Variants in BMP5 observed in about 807,000 individuals in gnomAD.
BMP5 encodes bone morphogenetic protein 5.
A neutral mutation model predicts 46.6 loss-of-function variants in BMP5; 23 were observed. The observed-to-expected ratio is 0.49, with a 90% CI of 0.35 to 0.70. The LOEUF is 0.70. BMP5 is among the 30% of genes least tolerant of loss of function. The pLI, the probability that BMP5 is intolerant of heterozygous loss-of-function variation, is 0.00. For synonymous variants in BMP5, 204 were observed against 191.9 expected, an observed-to-expected ratio of 1.06 and a Z score of -0.52; for missense variants, 545 against 565.6, an observed-to-expected ratio of 0.96 and a Z score of 0.37.
intron 1 of BMP5, among the ~76,000 whole-genome samples, chr6:55,825,616 TC>T (rs1198883249): frequency 6.6e-6 from 1 of 151,778 alleles, no homozygotes; most frequent in Admixed American, 6.6e-5. Context: ...GTTTTTTTTT[TC>T]CTCCCAAGCA....
intron 1 of BMP5, among the ~76,000 whole-genome samples, chr6:55,831,820 T>A (rs1776671319): frequency 2.0e-5 from 3 of 152,134 alleles, no homozygotes; most frequent in African/African-American, 7.2e-5. Flanking sequence ...TGTGAACATT[T>A]AGAACACTGG....
intron 6 of BMP5, among the ~76,000 whole-genome samples, chr6:55,758,692 T>C (rs917173460): frequency 1.3e-5 from 2 of 151,856 alleles, no homozygotes; most frequent in African/African-American, 4.8e-5. Flanking sequence ...AATTGCTAGG[T>C]TAGAAACAGC....
At chr6:55,798,597 G>A (rs956986871) in intron 2 of BMP5, among the ~76,000 whole-genome samples, 3 of 150,912 alleles carry the variant, frequency 2.0e-5, no homozygotes, top group Non-Finnish European at 4.5e-5. Flanking sequence ...GTTAAATACA[G>A]AGTCAGGTTT....
At chr6:55,867,573 A>G (rs1297030337) in intron 1 of BMP5, among the ~76,000 whole-genome samples, 4 of 152,130 alleles carry the variant, frequency 2.6e-5, no homozygotes, top group Non-Finnish European at 4.4e-5. Context: ...ACAACATGTA[A>G]TCAAACATGT....
intron 3 of BMP5, among the ~76,000 whole-genome samples, chr6:55,783,194 C>T (rs138655423): frequency 1.3e-5 from 2 of 152,158 alleles, no homozygotes; most frequent in African/African-American, 2.4e-5. Flanking sequence ...TCCCCAGTTC[C>T]TATTCCACTC....
chr6:55,800,230 T>C (rs1775811633), intron 2 of BMP5, among the ~76,000 whole-genome samples: 1 of 152,186 alleles, frequency 6.6e-6, no homozygotes, highest in South Asian at 2.1e-4. Flanking sequence ...AAAGGCATAA[T>C]GTCAAAGATG....
chr6:55,805,217 TCA>T (rs1206543945), intron 2 of BMP5, among the ~76,000 whole-genome samples: 4 of 152,182 alleles, frequency 2.6e-5, no homozygotes, highest in Non-Finnish European at 5.9e-5. Context: ...GCTGTAAGAC[TCA>T]CAGATACTTG....
chr6:55,796,694 C>G (rs950616664), intron 2 of BMP5, among the ~76,000 whole-genome samples: 8 of 139,436 alleles, frequency 5.7e-5, no homozygotes, highest in African/African-American at 2.1e-4. Context: ...TGTTCCCCTT[C>G]CTGTGCCCAT....
At chr6:55,767,704 A>G (rs561247375) in intron 4 of BMP5, among the ~76,000 whole-genome samples, 1 of 152,130 alleles carries the variant, frequency 6.6e-6, no homozygotes, top group South Asian at 2.1e-4. Context: ...TTACTGTCAT[A>G]ATTACGTGGA....
chr6:55,845,087 A>C (rs940577782), intron 1 of BMP5, among the ~76,000 whole-genome samples: 8 of 152,178 alleles, frequency 5.3e-5, no homozygotes, highest in African/African-American at 1.9e-4. Context: ...AACATACTAA[A>C]ATTTGAAGTC....
intron 3 of BMP5, among the ~76,000 whole-genome samples, chr6:55,780,594 A>G (rs1232333695): frequency 6.6e-6 from 1 of 151,940 alleles, no homozygotes; most frequent in Admixed American, 6.6e-5. Flanking sequence ...TTTAAAGGGG[A>G]TAGAGATTTT....
At chr6:55,826,940 C>T (rs1776546034) in intron 1 of BMP5, among the ~76,000 whole-genome samples, 1 of 151,720 alleles carries the variant, frequency 6.6e-6, no homozygotes. Context: ...CTAATAACAA[C>T]TGCTACATCT....
chr6:55,795,271 T>A (rs1368634198), intron 2 of BMP5, among the ~76,000 whole-genome samples: 1 of 152,108 alleles, frequency 6.6e-6, no homozygotes, highest in Non-Finnish European at 1.5e-5. Context: ...TTACAACAGC[T>A]CCTTAGTATT....
chr6:55,817,994 C>G (rs77090961), intron 2 of BMP5, among the ~76,000 whole-genome samples: 10,650 of 152,154 alleles, frequency 0.07, 427 homozygotes, highest in Middle Eastern at 0.14. Context: ...AGACAAAAGT[C>G]TTTGTGTATT....
At chr6:55,874,318 A>C in intron 1 of BMP5, 58 bp downstream of exon 1, 1 of 1,608,616 alleles carries the variant, frequency 6.2e-7, no homozygotes. Flanking sequence ...CTCCTTTACC[A>C]TTAGGGAAAA....
At chr6:55,817,552 A>G (rs1776305304) in intron 2 of BMP5, among the ~76,000 whole-genome samples, 2 of 152,024 alleles carry the variant, frequency 1.3e-5, no homozygotes, top group South Asian at 4.1e-4. Flanking sequence ...TTGAACAATG[A>G]GAACACATGG....
rs547324606 is a variant in BMP5 at position 55,795,074 on chromosome 6, C to G, written c.684-647G>C. On this transcript the variant is annotated intron_variant, in intron 2 of 6. Transcript: ENST00000370830. ...AGTAATGGCTGTGAATATGAACTTA[C>G]TTATATATTTTAGAATAATCTGCAC... Among the ~76,000 whole-genome samples, 6 of 152,142 alleles carry G rather than the reference C, an allele frequency of 3.9e-5. No homozygotes were observed. The South Asian group carries it at 1.2e-3, about 32-fold the overall frequency.
At chr6:55,807,177 G>T (rs992747181) in intron 2 of BMP5, among the ~76,000 whole-genome samples, 4 of 152,146 alleles carry the variant, frequency 2.6e-5, no homozygotes, top group Non-Finnish European at 5.9e-5. Context: ...TCCAGCTTTT[G>T]CCCATTCAGT....
At chr6:55,772,396 T>A (rs1582051900) in intron 4 of BMP5, among the ~76,000 whole-genome samples, 1 of 151,920 alleles carries the variant, frequency 6.6e-6, no homozygotes, top group Non-Finnish European at 1.5e-5. Flanking sequence ...AGTATGTGAC[T>A]TATACTTTTC....
Sources: gnomAD v4.1 joint callset for allele counts (sites outside exome capture counted in the v4.1 genomes callset) on GRCh38, gnomAD v4.1.1 for gene constraint, MANE v1.5 for transcripts, NCBI Gene and HGNC (gene_info 2026-07-23, HGNC 2026-07-21) for gene names.